OSTN: variants seen among roughly 807,000 people sequenced by gnomAD.
OSTN encodes the protein osteocrin.
In OSTN, 9 loss-of-function variants were observed where a neutral mutation model predicts 12.0. That is an observed-to-expected ratio of 0.75 (90% CI 0.45 to 1.30). The LOEUF (loss-of-function observed/expected upper bound fraction) is 1.30. OSTN is among the 50% of genes most tolerant of loss of function. The pLI, the probability that OSTN is intolerant of heterozygous loss-of-function variation, is 0.00. For missense variants in OSTN, 148 were observed against 152.3 expected, an observed-to-expected ratio of 0.97 and a Z score of 0.15; for synonymous variants, 59 against 56.9, an observed-to-expected ratio of 1.04 and a Z score of -0.16.
At chr3:191,220,682 G>C (rs1430614626) in intron 3 of OSTN, among the ~76,000 whole-genome samples, 1 of 152,050 alleles carries the variant, frequency 6.6e-6, no homozygotes, top group African/African-American at 2.4e-5. Flanking sequence ...CTAAAAAGAA[G>C]AACATCGGCA....
At chr3:191,222,132 G>A (rs2108535161) in intron 3 of OSTN, among the ~76,000 whole-genome samples, 1 of 152,360 alleles carries the variant, frequency 6.6e-6, no homozygotes, top group South Asian at 2.1e-4. Flanking sequence ...GCAGATGTTT[G>A]CTGCAGGGGC....
At chr3:191,260,908 A>C (rs1446403610) in intron 4 of OSTN, among the ~76,000 whole-genome samples, 1 of 152,194 alleles carries the variant, frequency 6.6e-6, no homozygotes, top group African/African-American at 2.4e-5. Context: ...AAGTACCAAA[A>C]AGTACACCAG....
intron 3 of OSTN, among the ~76,000 whole-genome samples, chr3:191,239,018 A>G (rs9869038): frequency 0.33 from 50,357 of 152,162 alleles, 9,927 homozygotes; most frequent in Middle Eastern, 0.53. Flanking sequence ...AAGGTTCATG[A>G]GCCAAGTAAA....
intron 4 of OSTN, among the ~76,000 whole-genome samples, chr3:191,258,941 T>A (rs1165632283): frequency 1.3e-5 from 2 of 152,116 alleles, no homozygotes; most frequent in Non-Finnish European, 2.9e-5. Context: ...TAATTTCTGG[T>A]CAAAAGCCAA....
At chr3:191,243,554 C>T (rs1417620082) in intron 3 of OSTN, among the ~76,000 whole-genome samples, 2 of 152,008 alleles carry the variant, frequency 1.3e-5, no homozygotes, top group Non-Finnish European at 2.9e-5. Context: ...TAATTTTTGT[C>T]CCAGCTTGAT....
At chr3:191,244,432 T>C (rs987546244) in intron 3 of OSTN, among the ~76,000 whole-genome samples, 2 of 151,656 alleles carry the variant, frequency 1.3e-5, no homozygotes, top group Admixed American at 6.6e-5. Context: ...ATAAGCCATG[T>C]CATACCATTA....
Position 191,218,938 on chromosome 3 carries a change from T to TACAGA in OSTN, c.294_295insACAGA (p.Val99ThrfsTer3). 2 of 1,614,004 alleles carry TACAGA rather than the reference T, an allele frequency of 1.2e-6. No individual in the cohort carries two copies. Among genetic ancestry groups the TACAGA allele is most frequent in the Non-Finnish European group, 1.7e-6 (2 of 1,179,920 alleles). On this transcript the variant is annotated frameshift_variant, in exon 3 of 5. Transcript: ENST00000682035. LOFTEE classifies it high-confidence loss of function. ...CCCTTGACAGACTCTCAGCTGGCTC[T>TACAGA]GTAGATCACAAAGGTAAACAGAGGT...
Position 191,201,675 on chromosome 3 carries a change from C to A in OSTN, c.-1+2368C>A, listed in dbSNP as rs143080483. ...ATGTTAGAGTGATTTCTATTTATAA[C>A]TCTCTAGAGTGAAATTTTCTTCCCC... On this transcript the variant is annotated intron_variant, in intron 1 of 4. Transcript: ENST00000682035. Among the ~76,000 whole-genome samples the A allele has an allele frequency of 6.6e-3, 997 of 152,128 alleles. 5 individuals are homozygous for A. The highest frequency in any genetic ancestry group is 9.7e-3 in the Non-Finnish European group (660 of 67,988).
chr3:191,233,569 T>C (rs2108542663), intron 3 of OSTN, among the ~76,000 whole-genome samples: 1 of 152,256 alleles, frequency 6.6e-6, no homozygotes, highest in East Asian at 1.9e-4. Context: ...ACCAAGTAGC[T>C]GGGACTCCTG....
intron 1 of OSTN, among the ~76,000 whole-genome samples, chr3:191,210,505 G>T (rs1390813818): frequency 6.6e-6 from 1 of 152,148 alleles, no homozygotes; most frequent in Non-Finnish European, 1.5e-5. Flanking sequence ...ATGAGAAGGG[G>T]TATGCATGAA....
At chr3:191,259,852 C>CTTTT (rs372562335) in intron 4 of OSTN, among the ~76,000 whole-genome samples, 28 of 132,524 alleles carry the variant, frequency 2.1e-4, no homozygotes, top group African/African-American at 2.0e-4. Flanking sequence ...ATGTATCCTT[C>CTTTT]TTTTTTTTTT....
At position 191,263,348 on chromosome 3, in the gene OSTN, T is replaced by C. The variant is rs1313391593; in HGVS notation, c.*495T>C. 1 of 152,612 alleles carries C rather than the reference T, an allele frequency of 6.6e-6. No individual in the cohort carries two copies. The highest frequency in any genetic ancestry group is 1.5e-5 in the Non-Finnish European group (1 of 68,322). 9.5% of individuals were successfully genotyped at this position (152,612 alleles called of 1,614,324 possible). A position where few individuals can be genotyped will look rare whatever the true frequency, so the allele number is the denominator to read the frequency against. Reference sequence around the variant, plus strand: ...CCAAGAGTCTGATCGGTAATAATTATGAAATTAGGCTTCTCTTTTCATATT... The same window carrying C: ...CCAAGAGTCTGATCGGTAATAATTACGAAATTAGGCTTCTCTTTTCATATT... On this transcript the variant is annotated 3_prime_UTR_variant, in exon 5 of 5. Coordinates refer to ENST00000682035, the MANE Select transcript of OSTN (RefSeq NM_198184.2).
intron 3 of OSTN, among the ~76,000 whole-genome samples, chr3:191,221,096 T>G (rs973380567): frequency 3.3e-5 from 5 of 152,116 alleles, no homozygotes; most frequent in African/African-American, 4.8e-5. Flanking sequence ...TAAGAGGCGT[T>G]CTCCCTTTCG....
chr3:191,218,425 C>T (rs951542321), intron 2 of OSTN, among the ~76,000 whole-genome samples: 13 of 152,108 alleles, frequency 8.5e-5, no homozygotes, highest in Admixed American at 6.6e-4. Flanking sequence ...AGTTCGAGAC[C>T]AGCCTGGCCA....
chr3:191,265,330 T>A lies in OSTN; in HGVS notation c.*2477T>A, dbSNP rs1225476180. ...ATGTATATGGAGTTCTGGGTTCTAGTGTCAATTACATAATCAAATTTCATA... is the reference window on the plus strand; with the variant it reads ...ATGTATATGGAGTTCTGGGTTCTAGAGTCAATTACATAATCAAATTTCATA... On this transcript the variant is annotated 3_prime_UTR_variant, in exon 5 of 5. Transcript: ENST00000682035. The A allele has an allele frequency of 6.6e-6, 1 of 152,158 alleles. No individual in the cohort carries two copies. Among genetic ancestry groups the A allele is most frequent in the Non-Finnish European group, 1.5e-5 (1 of 68,022 alleles). The allele number at this position is 152,158 out of a possible 1,614,324, so 9.4% of individuals were successfully genotyped here.
At chr3:191,258,827 A>G (rs928077554) in intron 4 of OSTN, among the ~76,000 whole-genome samples, 1 of 152,180 alleles carries the variant, frequency 6.6e-6, no homozygotes, top group Admixed American at 6.5e-5. Flanking sequence ...AGCCCCCTGT[A>G]GTAACAAGCA....
In OSTN at chr3:191,202,834, AAAC is replaced by A. The variant is rs1443430056; in HGVS notation, c.-1+3533_-1+3535del. On this transcript the variant is annotated intron_variant, in intron 1 of 4. Coordinates refer to ENST00000682035, the MANE Select transcript of OSTN (RefSeq NM_198184.2). ...TTTCCCTTTAGTGAGCATTAGAATTAAACAACAAATTTCATTAACAGAATTGCC... is the reference window on the plus strand; with the variant it reads ...TTTCCCTTTAGTGAGCATTAGAATTAAACAAATTTCATTAACAGAATTGCC... 2.0e-5 allele frequency among the ~76,000 whole-genome samples: 3 copies of A among 152,220 alleles called. No homozygotes were observed. The East Asian group carries it at 5.8e-4, about 29-fold the overall frequency.
intron 1 of OSTN, among the ~76,000 whole-genome samples, chr3:191,205,735 T>C (rs759978291): frequency 6.6e-6 from 1 of 152,148 alleles, no homozygotes; most frequent in African/African-American, 2.4e-5. Flanking sequence ...AAGTTAAATA[T>C]CATACAAGTC....
intron 2 of OSTN, chr3:191,213,479 A>G (rs1044943547): frequency 1.3e-5 from 2 of 152,114 alleles, no homozygotes; most frequent in Admixed American, 6.5e-5. Context: ...AAAATCCATT[A>G]TTATAGCTAT....
Sources: gnomAD v4.1 joint callset for allele counts (sites outside exome capture counted in the v4.1 genomes callset) on GRCh38, gnomAD v4.1.1 for gene constraint, MANE v1.5 for transcripts, NCBI Gene and HGNC (gene_info 2026-07-23, HGNC 2026-07-21) for gene names.